The following PON3 variants were observed in gnomAD, a reference collection of about 807,000 sequenced individuals.
PON3 encodes the protein serum paraoxonase/lactonase 3.
A neutral mutation model predicts 36.3 loss-of-function variants in PON3; 37 were observed. That is an observed-to-expected ratio of 1.02 (90% CI 0.78 to 1.34). PON3 has a LOEUF of 1.34. PON3 is among the 40% of genes most tolerant of loss of function. The pLI is 0.00. For synonymous variants in PON3, 155 were observed against 154.8 expected (o/e 1.00, Z -0.01); for missense variants, 415 against 426.5 (o/e 0.97, Z 0.24).
intron 3 of PON3, among the ~76,000 whole-genome samples, chr7:95,375,940 C>A (rs1808905470): frequency 6.6e-6 from 1 of 152,224 alleles, no homozygotes; most frequent in African/African-American, 2.4e-5. Flanking sequence ...ATGAACTCTT[C>A]CACTATACTC....
chr7:95,383,812 C>A (rs539875402), intron 3 of PON3, among the ~76,000 whole-genome samples: 3 of 152,194 alleles, frequency 2.0e-5, no homozygotes, highest in African/African-American at 7.2e-5. Flanking sequence ...CCATCCCCAT[C>A]AAGCTATCAA....
At chr7:95,391,984 C>T (rs1199828482) in intron 2 of PON3, among the ~76,000 whole-genome samples, 1 of 152,152 alleles carries the variant, frequency 6.6e-6, no homozygotes, top group Non-Finnish European at 1.5e-5. Flanking sequence ...AGCCCATCAC[C>T]CCCTAGTTCC....
intron 3 of PON3, among the ~76,000 whole-genome samples, chr7:95,376,937 G>A (rs998650726): frequency 6.6e-6 from 1 of 152,314 alleles, no homozygotes; most frequent in African/African-American, 2.4e-5. Flanking sequence ...CCAAAGTGGG[G>A]CAGGGCGTCA....
chr7:95,394,534 C>T, intron 2 of PON3, 110 bp downstream of exon 2: 1 of 923,844 alleles, frequency 1.1e-6, no homozygotes. Flanking sequence ...AGATGTCCCA[C>T]TGGGAGGGCT....
At chr7:95,385,059 T>C (rs533849410) in intron 3 of PON3, among the ~76,000 whole-genome samples, 2 of 152,236 alleles carry the variant, frequency 1.3e-5, no homozygotes, top group African/African-American at 2.4e-5. Context: ...TGTAGGAACA[T>C]GGATGAAACT....
intron 5 of PON3, 162 bp from the exon 6 acceptor site, chr7:95,364,225 T>C: frequency 1.5e-6 from 1 of 654,956 alleles, no homozygotes. Context: ...ATCATGATTC[T>C]GCATTGCCCT....
chr7:95,394,772 T>A, intron 1 of PON3, 58 bp from the exon 2 acceptor site: 1 of 1,374,814 alleles, frequency 7.3e-7, no homozygotes, highest in Non-Finnish European at 1.0e-6. Flanking sequence ...AATGTATGTT[T>A]AAATGTGGAC....
At chr7:95,391,995 G>A (rs998919560) in intron 2 of PON3, among the ~76,000 whole-genome samples, 2 of 152,126 alleles carry the variant, frequency 1.3e-5, no homozygotes, top group Non-Finnish European at 2.9e-5. Context: ...CCCTAGTTCC[G>A]GACCATTGGG....
chr7:95,375,505 C>G (rs1808897571), intron 3 of PON3, among the ~76,000 whole-genome samples: 1 of 152,074 alleles, frequency 6.6e-6, no homozygotes, highest in African/African-American at 2.4e-5. Flanking sequence ...TTCAGACTCT[C>G]TCTGCCACAC....
intron 3 of PON3, among the ~76,000 whole-genome samples, chr7:95,377,122 C>T (rs1042082428): frequency 8.5e-5 from 13 of 152,348 alleles, no homozygotes; most frequent in Middle Eastern, 3.4e-3. Context: ...GCGGGTTCTA[C>T]GCCCACAGAG....
intron 3 of PON3, among the ~76,000 whole-genome samples, chr7:95,373,868 G>A (rs1205719643): frequency 6.6e-6 from 1 of 152,134 alleles, no homozygotes; most frequent in Non-Finnish European, 1.5e-5. Flanking sequence ...TCCGTAGCCT[G>A]TAAGGAGCTG....
At chr7:95,364,929 A>G (rs917338814) in intron 5 of PON3, 1 of 152,216 alleles carries the variant, frequency 6.6e-6, no homozygotes, top group East Asian at 1.9e-4. Flanking sequence ...ACTTGAAAAA[A>G]TAATGCTTAA....
chr7:95,369,830 G>A (rs1394880141), intron 4 of PON3, among the ~76,000 whole-genome samples: 1 of 152,156 alleles, frequency 6.6e-6, no homozygotes, highest in Admixed American at 6.6e-5. Context: ...GAGGTACATT[G>A]AGAAGAAATA....
intron 3 of PON3, among the ~76,000 whole-genome samples, chr7:95,383,888 A>G (rs552305757): frequency 2.0e-5 from 3 of 152,350 alleles, no homozygotes; most frequent in African/African-American, 7.2e-5. Context: ...ATGAGCCCGC[A>G]TTGCCAAGTC....
At chr7:95,386,345 T>G (rs1173734031) in intron 3 of PON3, among the ~76,000 whole-genome samples, 1 of 152,132 alleles carries the variant, frequency 6.6e-6, no homozygotes, top group Non-Finnish European at 1.5e-5. Context: ...CAGAGAATAC[T>G]AAAAACACCT....
At chr7:95,365,334 A>G (rs1442293513) in intron 5 of PON3, 1 of 152,318 alleles carries the variant, frequency 6.6e-6, no homozygotes, top group African/African-American at 2.4e-5. Flanking sequence ...CTTGCCTCCC[A>G]CTTCCAGATT....
chr7:95,367,289 C>T, intron 5 of PON3, 73 bp downstream of exon 5: 1 of 1,575,804 alleles, frequency 6.3e-7, no homozygotes, highest in Non-Finnish European at 8.6e-7. Context: ...AGAAAGCCTG[C>T]TGAACCAAAA....
intron 3 of PON3, among the ~76,000 whole-genome samples, chr7:95,380,053 G>A (rs1048398030): frequency 5.0e-4 from 76 of 152,158 alleles, no homozygotes; most frequent in African/African-American, 1.5e-3. Flanking sequence ...AGCAATATTC[G>A]CTGTTCTGCA....
At chr7:95,362,632 G>A (rs778102448) in intron 7 of PON3, 128 bp downstream of exon 7, 8 of 1,390,188 alleles carry the variant, frequency 5.8e-6, no homozygotes, top group Admixed American at 1.8e-5. Context: ...TTTTAGAAAC[G>A]CATGCATAAT....
Sources: gnomAD v4.1 joint callset for allele counts (sites outside exome capture counted in the v4.1 genomes callset) on GRCh38, gnomAD v4.1.1 for gene constraint, MANE v1.5 for transcripts, NCBI Gene and HGNC (gene_info 2026-07-23, HGNC 2026-07-21) for gene names.